ZNF471: variants seen among roughly 807,000 people sequenced by gnomAD.
The protein encoded by ZNF471 is zinc finger protein 471, also known as EZFIT-related protein 1.
A neutral mutation model predicts 13.7 loss-of-function variants in ZNF471; 7 were observed. That is an observed-to-expected ratio of 0.51 (90% confidence interval 0.29 to 0.96). The LOEUF is 0.96. Among genes scored for constraint, ZNF471 ranks in the 40% least tolerant of loss-of-function variants. The pLI, the probability that ZNF471 is intolerant of heterozygous loss-of-function variation, is 0.08. For missense variants in ZNF471, 663 were observed against 743.3 expected, an observed-to-expected ratio of 0.89 and a Z score of 1.26; for synonymous variants, 218 against 235.6, an observed-to-expected ratio of 0.93 and a Z score of 0.68.
chr19:56,509,911 A>C, intron 1 of ZNF471: 1 of 985,338 alleles, frequency 1.0e-6, no homozygotes, highest in Non-Finnish European at 1.2e-6. Flanking sequence ...TGTGAGAGAA[A>C]TAGATGTGCC....
chr19:56,521,655 A>C (rs1024378814), intron 4 of ZNF471, among the ~76,000 whole-genome samples: 1 of 151,288 alleles, frequency 6.6e-6, no homozygotes, highest in African/African-American at 2.4e-5. Context: ...AAAAAAAAAA[A>C]AAAACTCTTC....
chr19:56,513,497 TTCTC>T (rs1483824201), intron 2 of ZNF471, among the ~76,000 whole-genome samples: 1 of 152,198 alleles, frequency 6.6e-6, no homozygotes, highest in Non-Finnish European at 1.5e-5. Context: ...TATGCTTTAA[TTCTC>T]TCTTTAATTC....
At chr19:56,519,458 C>T (rs2043938640) in intron 4 of ZNF471, among the ~76,000 whole-genome samples, 1 of 152,134 alleles carries the variant, frequency 6.6e-6, no homozygotes, top group Admixed American at 6.5e-5. Context: ...AACATTTCCC[C>T]ATCCCAACCC....
rs1157564829 is a variant in ZNF471 at position 56,510,992 on chromosome 19, T to C, written c.-55-525T>C. The stretch of plus-strand genomic sequence containing the variant: ...TTTCAGGGTGAGGAAAGTGAAACAG[T>C]GCCGGGGGGTGGGTCAGGGATGCAG... On this transcript the variant is annotated intron_variant, in intron 1 of 4. Transcript: ENST00000308031. This position sits in a 1 kb window ranked among gnomAD's most constrained non-coding sequence, Gnocchi z 4.3. 1.0e-6 allele frequency: 1 copy of C among 982,170 alleles called. No individual in the cohort carries two copies. Among genetic ancestry groups the C allele is most frequent in the South Asian group, 4.7e-5 (1 of 21,272 alleles). The allele number at this position is 982,170 out of a possible 1,614,324, so 60.8% of individuals were successfully genotyped here.
In ZNF471 at chr19:56,516,392, G is replaced by A; in HGVS notation, c.151G>A (p.Val51Ile). The A allele has an allele frequency of 1.2e-6, 2 of 1,613,026 alleles. No homozygotes were observed. Among genetic ancestry groups the A allele is most frequent in the South Asian group, 2.2e-5 (2 of 90,896 alleles). ...SMMLENYQSL[V>I]SLGLCISKPY... Reference sequence around the variant, plus strand: ...GATGTTGGAGAACTATCAGAGCCTGGTATCACTTGGTGAGGATCTTTTCCC... The same window carrying A: ...GATGTTGGAGAACTATCAGAGCCTGATATCACTTGGTGAGGATCTTTTCCC... Residue 51 changes from valine (V) to isoleucine (I), a missense_variant, in exon 3 of 5, where the codon GTA (valine) becomes ATA (isoleucine). Coordinates refer to ENST00000308031, the MANE Select transcript of ZNF471 (RefSeq NM_020813.4). The surrounding 1 kb of genome is among the most constrained non-coding windows in gnomAD (Gnocchi z 4.4).
Position 56,510,148 on chromosome 19 carries a change from G to A in ZNF471, c.-55-1369G>A. ...ATCACAGTATGAAAAAGATTGGAGT[G>A]AGAGTGACCAGTATGTATTTTGTGT... On this transcript the variant is annotated intron_variant, in intron 1 of 4. Coordinates refer to ENST00000308031, the MANE Select transcript of ZNF471 (RefSeq NM_020813.4). The surrounding 1 kb of genome is among the most constrained non-coding windows in gnomAD (Gnocchi z 4.3). The A allele has an allele frequency of 1.0e-6, 1 of 985,502 alleles. No homozygotes were observed. Among genetic ancestry groups the A allele is most frequent in the Non-Finnish European group, 1.2e-6 (1 of 830,002 alleles). The allele number at this position is 985,502 out of a possible 1,614,324, so 61.0% of individuals were successfully genotyped here.
In ZNF471 at chr19:56,524,258, T is replaced by C; in HGVS notation, c.257-66T>C. ...ATTAAATATTTTTAAATTACCTTTT[T>C]CACAATGTCTCCTTTGTTGTAGCCC... On this transcript the variant is annotated intron_variant, in intron 4 of 4. Transcript: ENST00000308031. The surrounding 1 kb of genome is among the most constrained non-coding windows in gnomAD (Gnocchi z 4.8). 8.8e-7 allele frequency: 1 copy of C among 1,137,712 alleles called. No individual in the cohort carries two copies. The highest frequency in any genetic ancestry group is 1.2e-6 in the Non-Finnish European group (1 of 812,432). The allele number at this position is 1,137,712 out of a possible 1,614,324, so 70.5% of individuals were successfully genotyped here.
At chr19:56,514,839 A>G (rs753596213) in intron 2 of ZNF471, among the ~76,000 whole-genome samples, 2 of 152,146 alleles carry the variant, frequency 1.3e-5, no homozygotes, top group South Asian at 4.1e-4. Context: ...ATTATGTTCT[A>G]CCTCCTTAAG....
chr19:56,522,769 T>C lies in ZNF471; in HGVS notation c.257-1555T>C, dbSNP rs574581207. 7.2e-5 allele frequency among the ~76,000 whole-genome samples: 11 copies of C among 152,062 alleles called. No homozygotes were observed. In the South Asian group the frequency reaches 2.3e-3, roughly 32 times the overall value. ...TTTTTTTTTTGAGATGGAGTTTCAT[T>C]CTTGTCACCCAGGCTGGAGTGCAAT... On this transcript the variant is annotated intron_variant, in intron 4 of 4. Transcript: ENST00000308031. The surrounding 1 kb of genome is among the most constrained non-coding windows in gnomAD (Gnocchi z 4.1).
At position 56,516,392 on chromosome 19, in the gene ZNF471, G is replaced by T; in HGVS notation, c.151G>T (p.Val51Leu). The stretch of plus-strand genomic sequence containing the variant: ...GATGTTGGAGAACTATCAGAGCCTG[G>T]TATCACTTGGTGAGGATCTTTTCCC... Reference protein sequence around the residue: ...SMMLENYQSLVSLGLCISKPY... With the variant: ...SMMLENYQSLLSLGLCISKPY... The change falls in exon 3 of 5, where the codon GTA becomes TTA. Residue 51 changes from valine (V) to leucine (L), a missense_variant. Physicochemically the swap from Val to Leu is conservative, Grantham distance 32 (BLOSUM62 1). Coordinates refer to ENST00000308031, the MANE Select transcript of ZNF471 (RefSeq NM_020813.4). This position sits in a 1 kb window ranked among gnomAD's most constrained non-coding sequence, Gnocchi z 4.4. 3 of 1,613,026 alleles carry T rather than the reference G, an allele frequency of 1.9e-6. No homozygotes were observed. The highest frequency in any genetic ancestry group is 1.1e-5 in the South Asian group (1 of 90,896).
Position 56,526,574 on chromosome 19 carries a change from C to T in ZNF471, c.*626C>T, listed in dbSNP as rs1250408282. 6 of 152,390 alleles carry T rather than the reference C, an allele frequency of 3.9e-5. No homozygotes were observed. The highest frequency in any genetic ancestry group is 3.9e-4 in the Admixed American group (6 of 15,294). The allele number at this position is 152,390 out of a possible 1,614,324, so 9.4% of individuals were successfully genotyped here. A position where few individuals can be genotyped will look rare whatever the true frequency, so the allele number is the denominator to read the frequency against. Reference sequence around the variant, plus strand: ...CGGGGAGCCAAGTGGTTCCCATGCCCACTGAGCCCAGCAAGCTAAGATCCA... The same window carrying T: ...CGGGGAGCCAAGTGGTTCCCATGCCTACTGAGCCCAGCAAGCTAAGATCCA... On this transcript the variant is annotated 3_prime_UTR_variant, in exon 5 of 5. Coordinates refer to ENST00000308031, the MANE Select transcript of ZNF471 (RefSeq NM_020813.4).
intron 2 of ZNF471, among the ~76,000 whole-genome samples, chr19:56,512,623 CTGTG>C (rs10528256): frequency 0.23 from 34,938 of 151,776 alleles, 4,181 homozygotes; most frequent in Middle Eastern, 0.26. Flanking sequence ...CACTAAATTC[CTGTG>C]TGTATTTGGT....
rs977045875 is a variant in ZNF471, at chr19:56,516,593, T to C, written c.160+192T>C. Reference sequence around the variant, plus strand: ...AATTTGGAGAATATCAAATATTCCATGCATACACCCTTAAGGCAATTGGGA... The same window carrying C: ...AATTTGGAGAATATCAAATATTCCACGCATACACCCTTAAGGCAATTGGGA... On this transcript the variant is annotated intron_variant, in intron 3 of 4. Transcript: ENST00000308031. This position sits in a 1 kb window ranked among gnomAD's most constrained non-coding sequence, Gnocchi z 4.4. 6.6e-6 allele frequency among the ~76,000 whole-genome samples: 1 copy of C among 152,244 alleles called. No individual in the cohort carries two copies. Among genetic ancestry groups the C allele is most frequent in the Non-Finnish European group, 1.5e-5 (1 of 68,040 alleles).
chr19:56,525,319 CGTACT>C lies in ZNF471; in HGVS notation c.1257_1261del (p.Val420SerfsTer11), dbSNP rs2044030584. The C allele has an allele frequency of 1.1e-5, 18 of 1,611,682 alleles. No homozygotes were observed. Among genetic ancestry groups the C allele is most frequent in the Non-Finnish European group, 1.5e-5 (18 of 1,178,502 alleles). On this transcript the variant is annotated frameshift_variant, in exon 5 of 5. Transcript: ENST00000308031. LOFTEE classifies it low-confidence loss of function (END_TRUNC). ...AAAAACCTTCAGCTCGGGTTCATCC[CGTACT>C]GTACATCAGAGAATTCATACAGGAG...
chr19:56,516,243 T>C lies in ZNF471; in HGVS notation c.34-32T>C. The C allele has an allele frequency of 6.2e-7, 1 of 1,606,268 alleles. No homozygotes were observed. Among genetic ancestry groups the C allele is most frequent in the Non-Finnish European group, 8.5e-7 (1 of 1,174,934 alleles). ...TCAGAGTTATCTTTGGACACGAGCATTGGTTGGTTAAGAATATATTTGTCA... is the reference window on the plus strand; with the variant it reads ...TCAGAGTTATCTTTGGACACGAGCACTGGTTGGTTAAGAATATATTTGTCA... On this transcript the variant is annotated intron_variant, in intron 2 of 4. Coordinates refer to ENST00000308031, the MANE Select transcript of ZNF471 (RefSeq NM_020813.4). The surrounding 1 kb of genome is among the most constrained non-coding windows in gnomAD (Gnocchi z 4.4).
rs755270913 is a variant in ZNF471 at position 56,524,545 on chromosome 19, A to G, written c.478A>G (p.Lys160Glu). 1 of 1,598,808 alleles carries G rather than the reference A, an allele frequency of 6.3e-7. No individual in the cohort carries two copies. ...AACCATCACTAAGGAAACAGAATTC[A>G]AATATACTAAATTTGGGAAATGTAT... is the stretch of plus-strand genomic sequence containing the variant. ...KETITKETEF[K>E]YTKFGKCIHL... Residue 160 changes from lysine (K) to glutamate (E), a missense_variant, in exon 5 of 5, where the codon AAA becomes GAA. Transcript: ENST00000308031. This position sits in a 1 kb window ranked among gnomAD's most constrained non-coding sequence, Gnocchi z 4.8.
chr19:56,520,544 T>A (rs2043955599), intron 4 of ZNF471, among the ~76,000 whole-genome samples: 1 of 152,220 alleles, frequency 6.6e-6, no homozygotes, highest in Admixed American at 6.5e-5. Flanking sequence ...CTGGTCTGAA[T>A]GTTTGTGTGC....
chr19:56,520,141 T>C (rs895504634), intron 4 of ZNF471, among the ~76,000 whole-genome samples: 3 of 152,258 alleles, frequency 2.0e-5, no homozygotes, highest in African/African-American at 7.2e-5. Context: ...AGATGCCATC[T>C]GCCTCAAATA....
chr19:56,510,513 G>C lies in ZNF471; in HGVS notation c.-55-1004G>C. ...GTGTGTGAGAGAAGTAAGATTGGGG[G>C]TATGTGTGAAGGTGTTGGTGAATCA... On this transcript the variant is annotated intron_variant, in intron 1 of 4. Coordinates refer to ENST00000308031, the MANE Select transcript of ZNF471 (RefSeq NM_020813.4). The surrounding 1 kb of genome is among the most constrained non-coding windows in gnomAD (Gnocchi z 4.3). 2.0e-6 allele frequency: 2 copies of C among 985,784 alleles called. No homozygotes were observed. The highest frequency in any genetic ancestry group is 2.4e-6 in the Non-Finnish European group (2 of 830,054). The allele number at this position is 985,784 out of a possible 1,614,324, so 61.1% of individuals were successfully genotyped here. A position where few individuals can be genotyped will look rare whatever the true frequency, so the allele number is the denominator to read the frequency against.
Sources: gnomAD v4.1 joint callset for allele counts (sites outside exome capture counted in the v4.1 genomes callset) on GRCh38, gnomAD v4.1.1 for gene constraint, Gnocchi (gnomAD v3.1) non-coding constraint, MANE v1.5 for transcripts, NCBI Gene and HGNC (gene_info 2026-07-23, HGNC 2026-07-21) for gene names.